The following CRYBG3 variants were observed in gnomAD, a reference collection of about 807,000 sequenced individuals.
The protein encoded by CRYBG3 is very large A-kinase anchor protein.
A neutral mutation model predicts 244.2 loss-of-function variants in CRYBG3; 127 were observed. That is an observed-to-expected ratio of 0.52 (90% CI 0.45 to 0.60). The LOEUF (loss-of-function observed/expected upper bound fraction) is 0.60, where lower values mean the gene tolerates loss of function less well. Among genes scored for constraint, CRYBG3 ranks in the 20% least tolerant of loss-of-function variants. The probability of loss-of-function intolerance (pLI) is 0.00; values close to 1 mark genes in which losing one functional copy is unlikely to be tolerated. For synonymous variants in CRYBG3, 1,132 were observed against 1,195.8 expected, an observed-to-expected ratio of 0.95 and a Z score of 1.10; for missense variants, 3,325 against 3,442.5, an observed-to-expected ratio of 0.97 and a Z score of 0.85.
intron 2 of CRYBG3, among the ~76,000 whole-genome samples, chr3:97,863,973 G>C (rs2039188057): frequency 6.6e-6 from 1 of 152,118 alleles, no homozygotes; most frequent in South Asian, 2.1e-4. Context: ...TGGACTAGTT[G>C]CTCGTGCTCT....
At chr3:97,904,723 T>G (rs928558326) in intron 15 of CRYBG3, among the ~76,000 whole-genome samples, 34 of 150,864 alleles carry the variant, frequency 2.3e-4, no homozygotes, top group African/African-American at 7.5e-4. Context: ...TTTCTGAGTC[T>G]TTTTTTTATA....
At position 97,877,960 on chromosome 3, in the gene CRYBG3, G is replaced by A; in HGVS notation, c.6766G>A (p.Gly2256Ser). 1 of 1,614,090 alleles carries A rather than the reference G, an allele frequency of 6.2e-7. No individual in the cohort carries two copies. Residue 2256 changes from glycine to serine, a missense_variant, in exon 4 of 22, where the codon GGT (glycine) becomes AGT (serine). By Grantham distance (56) the Gly-to-Ser change is moderately conservative. Around this residue, in one of 4 missense-constraint regions of CRYBG3, gnomAD observed 450 missense variants for 424.1 expected, o/e 1.06. Transcript: ENST00000389622. ...TTCCTCAGAAAAAGGAGCCAGATTT[G>A]GTGGAATTTTTCAGGAACCAGTGTC... ...SHSSEKGARF[G>S]GIFQEPVSKY... is the part of the protein sequence containing the mutation.
At chr3:97,833,323 T>C (rs2038680224) in intron 1 of CRYBG3, among the ~76,000 whole-genome samples, 1 of 152,138 alleles carries the variant, frequency 6.6e-6, no homozygotes, top group Non-Finnish European at 1.5e-5. Flanking sequence ...CAAATGCCCA[T>C]CAATGATAGA....
intron 3 of CRYBG3, among the ~76,000 whole-genome samples, chr3:97,867,504 A>G (rs187563524): frequency 6.6e-6 from 1 of 152,332 alleles, no homozygotes; most frequent in East Asian, 1.9e-4. Context: ...TTTATCTAGA[A>G]TAGAGCGTAT....
rs1481253777 is a variant in CRYBG3, at chr3:97,898,894, A to C, written c.7713A>C (p.Glu2571Asp). 3.1e-6 allele frequency: 5 copies of C among 1,588,728 alleles called. No individual in the cohort carries two copies. Among genetic ancestry groups the C allele is most frequent in the Non-Finnish European group, 4.3e-6 (5 of 1,168,636 alleles). ...CTTTCTCCTTTTAGAATTTTATAGA[A>C]TCTTCTGTCACACTATTTGAATCTG... Reference protein sequence around the residue: ...SFRYLQANFIESSVTLFESDL... With the variant: ...SFRYLQANFIDSSVTLFESDL... The change falls in exon 13 of 22, where the codon GAA becomes GAC. Residue 2571 changes from glutamate to aspartate, a missense_variant. Transcript: ENST00000389622.
chr3:97,927,304 A>C (rs1043331829), intron 17 of CRYBG3, among the ~76,000 whole-genome samples: 1 of 152,146 alleles, frequency 6.6e-6, no homozygotes, highest in Non-Finnish European at 1.5e-5. Flanking sequence ...GTTGACAAGA[A>C]TAAACAGTAG....
chr3:97,825,485 G>C (rs188777740), intron 1 of CRYBG3, among the ~76,000 whole-genome samples: 2 of 152,328 alleles, frequency 1.3e-5, no homozygotes, highest in Non-Finnish European at 2.9e-5. Context: ...CACACTCAGT[G>C]TGAAATGTTG....
At position 97,822,062 on chromosome 3, in the gene CRYBG3, C is replaced by A; in HGVS notation, c.-145C>A. 1.6e-6 allele frequency: 1 copy of A among 607,444 alleles called. No homozygotes were observed. Among genetic ancestry groups the A allele is most frequent in the Non-Finnish European group, 2.5e-6 (1 of 404,566 alleles). The allele number at this position is 607,444 out of a possible 1,614,324, so 37.6% of individuals were successfully genotyped here. A position where few individuals can be genotyped will look rare whatever the true frequency, so the allele number is the denominator to read the frequency against. On this transcript the variant is annotated 5_prime_UTR_variant, in exon 1 of 22. Transcript: ENST00000389622. ...CGCGTCGCGTCCGCACTTCTCCTGCCCGAGAGAGACTGAGCCGCGCTGGCA... is the reference window on the plus strand; with the variant it reads ...CGCGTCGCGTCCGCACTTCTCCTGCACGAGAGAGACTGAGCCGCGCTGGCA...
Position 97,872,046 on chromosome 3 carries a change from A to G in CRYBG3, c.852A>G (p.Leu284=), listed in dbSNP as rs780524983. 8.5e-6 allele frequency: 13 copies of G among 1,535,634 alleles called. No individual in the cohort carries two copies. Among genetic ancestry groups the G allele is most frequent in the South Asian group, 1.2e-5 (1 of 84,020 alleles). The stretch of plus-strand genomic sequence containing the variant: ...AGGCTGGGGTACTGCCACTGTTGTT[A>G]TCAGCTAGTACAGACTCATCTATGA... The part of the protein sequence containing the change: ...EIEAGVLPLL[L]SASTDSSMKG... Residue 284 remains leucine, a synonymous_variant, in exon 4 of 22, where the codon TTA becomes TTG. Transcript: ENST00000389622.
At chr3:97,833,803 G>C in intron 1 of CRYBG3, among the ~76,000 whole-genome samples, 1 of 152,114 alleles carries the variant, frequency 6.6e-6, no homozygotes, top group East Asian at 1.9e-4. Flanking sequence ...AATACCTGAG[G>C]GTGGGTAGTT....
chr3:97,875,592 A>C lies in CRYBG3; in HGVS notation c.4398A>C (p.Thr1466=). ...IENVDNNKTE[T]EDRRTLVLNF... Reference sequence around the variant, plus strand: ...ATGTGGATAATAACAAAACTGAGACAGAGGACAGAAGAACTCTTGTATTAA... The same window carrying C: ...ATGTGGATAATAACAAAACTGAGACCGAGGACAGAAGAACTCTTGTATTAA... The change falls in exon 4 of 22, where the codon ACA becomes ACC. Residue 1466 remains threonine, a synonymous_variant. Transcript: ENST00000389622. 2 of 1,237,462 alleles carry C rather than the reference A, an allele frequency of 1.6e-6. No homozygotes were observed. The highest frequency in any genetic ancestry group is 2.0e-6 in the Non-Finnish European group (2 of 991,780). The allele number at this position is 1,237,462 out of a possible 1,614,324, so 76.7% of individuals were successfully genotyped here.
intron 12 of CRYBG3, among the ~76,000 whole-genome samples, chr3:97,896,594 G>A (rs575436894): frequency 4.6e-5 from 7 of 152,318 alleles, no homozygotes; most frequent in Admixed American, 1.3e-4. Context: ...AAAGGTAGGT[G>A]CCTGTTTAGC....
chr3:97,854,064 C>T (rs2039027705), intron 2 of CRYBG3, among the ~76,000 whole-genome samples: 1 of 152,152 alleles, frequency 6.6e-6, no homozygotes. Context: ...TATCCCAGCA[C>T]AATTTGTTGA....
At chr3:97,857,986 A>G (rs2039090489) in intron 2 of CRYBG3, among the ~76,000 whole-genome samples, 1 of 151,874 alleles carries the variant, frequency 6.6e-6, no homozygotes. Context: ...AGTGAGCTTT[A>G]TACTTTTGTA....
Position 97,876,356 on chromosome 3 carries a change from A to G in CRYBG3, c.5162A>G (p.Asp1721Gly), listed in dbSNP as rs769967683. The G allele has an allele frequency of 5.0e-5, 62 of 1,232,002 alleles. No individual in the cohort carries two copies. The highest frequency in any genetic ancestry group is 6.2e-5 in the Non-Finnish European group (61 of 987,978). 76.3% of individuals were successfully genotyped at this position (1,232,002 alleles called of 1,614,324 possible). A position where few individuals can be genotyped will look rare whatever the true frequency, so the allele number is the denominator to read the frequency against. Residue 1721 changes from aspartate (D) to glycine (G), a missense_variant, in exon 4 of 22, where the codon GAT becomes GGT. By Grantham distance (94) the Asp-to-Gly change is moderately conservative. Coordinates refer to ENST00000389622, the MANE Select transcript of CRYBG3 (RefSeq NM_153605.4). ...GCAATGGAAAATACTTACCAAAAGG[A>G]TGCTGAAGGGGATATTGGAAAGGCT... Reference protein sequence around the residue: ...TLAMENTYQKDAEGDIGKAEV... With the variant: ...TLAMENTYQKGAEGDIGKAEV...
At chr3:97,941,387 G>A in intron 20 of CRYBG3, 81 bp downstream of exon 20, 1 of 1,037,632 alleles carries the variant, frequency 9.6e-7, no homozygotes, top group South Asian at 2.3e-5. Flanking sequence ...AAATCAACTG[G>A]CATGATAAAA....
chr3:97,885,520 G>C (rs1331128100), intron 7 of CRYBG3, among the ~76,000 whole-genome samples: 1 of 152,108 alleles, frequency 6.6e-6, no homozygotes, highest in African/African-American at 2.4e-5. Context: ...AAATGTACCT[G>C]TAATTTCAGA....
At chr3:97,822,995 T>C (rs1171462389) in intron 1 of CRYBG3, among the ~76,000 whole-genome samples, 2 of 152,198 alleles carry the variant, frequency 1.3e-5, no homozygotes, top group African/African-American at 4.8e-5. Context: ...TTATTTCTCA[T>C]CTCTCCTAGA....
At chr3:97,883,947 A>G (rs779360823) in intron 7 of CRYBG3, among the ~76,000 whole-genome samples, 1 of 152,120 alleles carries the variant, frequency 6.6e-6, no homozygotes, top group Non-Finnish European at 1.5e-5. Flanking sequence ...CAAGACTTTA[A>G]TGTCCTTTAA....
Sources: allele counts gnomAD v4.1 joint callset (sites outside exome capture counted in the v4.1 genomes callset), GRCh38; gene constraint gnomAD v4.1.1; regional missense constraint gnomAD v4.1.1; transcripts MANE v1.5; gene names NCBI Gene and HGNC (gene_info 2026-07-23, HGNC 2026-07-21).